The following STXBP6 variants were observed in gnomAD, a reference collection of about 807,000 sequenced individuals.
STXBP6 encodes syntaxin-binding protein 6.
STXBP6 carries 21 observed loss-of-function variants against 26.9 expected under a neutral mutation model. The ratio of observed to expected loss-of-function variants is 0.78; its 90% CI spans 0.55 to 1.12. The LOEUF is 1.12. Among genes scored for constraint, STXBP6 ranks in the 50% most tolerant of loss-of-function variants. STXBP6 has a pLI of 0.00. For missense variants in STXBP6, 232 were observed against 257.9 expected, an observed-to-expected ratio of 0.90 and a Z score of 0.69; for synonymous variants, 97 against 92.6, an observed-to-expected ratio of 1.05 and a Z score of -0.27.
At position 24,961,014 on chromosome 14, in the gene STXBP6, T is replaced by C. The variant is rs992687572; in HGVS notation, c.154+13651A>G. Among the ~76,000 whole-genome samples, 8 of 152,314 alleles carry C rather than the reference T, an allele frequency of 5.3e-5. No homozygotes were observed. The South Asian group carries it at 1.7e-3, about 32-fold the overall frequency. The stretch of plus-strand genomic sequence containing the variant: ...AGCATCCAATTTCTGCAGGCCCCAT[T>C]TTTTCGTGTAAACATTGGCATCAGC... On this transcript the variant is annotated intron_variant, in intron 2 of 5. Transcript: ENST00000323944.
intron 1 of STXBP6, among the ~76,000 whole-genome samples, chr14:25,039,156 A>G (rs1324315542): frequency 6.6e-6 from 1 of 152,246 alleles, no homozygotes; most frequent in Non-Finnish European, 1.5e-5. Flanking sequence ...TCAATTAAAA[A>G]TAAATACAAA....
chr14:24,980,020 A>G (rs8017228), intron 1 of STXBP6, among the ~76,000 whole-genome samples: 1 of 152,006 alleles, frequency 6.6e-6, no homozygotes, highest in Non-Finnish European at 1.5e-5. Context: ...AAGGAAAAAG[A>G]CAATTTTGTA....
chr14:24,817,875 G>A (rs2068025105), intron 5 of STXBP6: 1 of 358,392 alleles, frequency 2.8e-6, no homozygotes, highest in Non-Finnish European at 5.5e-6. Flanking sequence ...TGTCACGACA[G>A]AGAATGAATG....
chr14:24,934,599 G>A (rs982591452), intron 2 of STXBP6, among the ~76,000 whole-genome samples: 3 of 152,120 alleles, frequency 2.0e-5, no homozygotes, highest in Non-Finnish European at 2.9e-5. Context: ...GAGAGGCCAC[G>A]GTTAACGGAT....
intron 1 of STXBP6, among the ~76,000 whole-genome samples, chr14:25,011,610 C>T (rs961096372): frequency 6.6e-6 from 1 of 152,100 alleles, no homozygotes; most frequent in Non-Finnish European, 1.5e-5. Flanking sequence ...CCAGAGACTA[C>T]AAAATCCAGT....
At chr14:24,818,325 C>A (rs563600975) in intron 5 of STXBP6, among the ~76,000 whole-genome samples, 1 of 152,160 alleles carries the variant, frequency 6.6e-6, no homozygotes, top group African/African-American at 2.4e-5. Context: ...AGCTGGCTGC[C>A]AATAAAAACT....
chr14:24,879,574 A>C (rs1232798464), intron 2 of STXBP6, among the ~76,000 whole-genome samples: 2 of 152,030 alleles, frequency 1.3e-5, no homozygotes, highest in African/African-American at 4.8e-5. Context: ...AAGATAACTG[A>C]CTCTCAGGGT....
At chr14:24,973,461 C>G (rs887573949) in intron 2 of STXBP6, among the ~76,000 whole-genome samples, 2 of 143,612 alleles carry the variant, frequency 1.4e-5, no homozygotes, top group African/African-American at 2.6e-5. Flanking sequence ...TCTCGGCTCA[C>G]TGCAACCTCT....
In STXBP6 at chr14:24,990,315, A is replaced by G. The variant is rs544677280; in HGVS notation, c.-32-15465T>C. Among the ~76,000 whole-genome samples, 9 of 152,276 alleles carry G rather than the reference A, an allele frequency of 5.9e-5. No homozygotes were observed. The South Asian group carries it at 1.9e-3, about 32-fold the overall frequency. On this transcript the variant is annotated intron_variant, in intron 1 of 5. Transcript: ENST00000323944. ...CTGAGTAGGATGGGGAGAGTTGAGAAAGGCCCGACTTAGGAAGAATCAATC... is the reference window on the plus strand; with the variant it reads ...CTGAGTAGGATGGGGAGAGTTGAGAGAGGCCCGACTTAGGAAGAATCAATC...
Position 24,921,438 on chromosome 14 carries a change from A to G in STXBP6, c.154+53227T>C, listed in dbSNP as rs181835876. Reference sequence around the variant, plus strand: ...CTAAAACTTTCCAATATCTGCAAACACACATACCAAAAAGCACTGGCTTAA... The same window carrying G: ...CTAAAACTTTCCAATATCTGCAAACGCACATACCAAAAAGCACTGGCTTAA... On this transcript the variant is annotated intron_variant, in intron 2 of 5. Transcript: ENST00000323944. Among the ~76,000 whole-genome samples, 4 of 152,242 alleles carry G rather than the reference A, an allele frequency of 2.6e-5. No individual in the cohort carries two copies. In the East Asian group the frequency reaches 7.7e-4, roughly 29 times the overall value.
intron 1 of STXBP6, among the ~76,000 whole-genome samples, chr14:24,987,370 T>C (rs988442544): frequency 6.6e-6 from 1 of 152,216 alleles, no homozygotes; most frequent in Non-Finnish European, 1.5e-5. Context: ...GAGACCTGCA[T>C]CTTCACCTTT....
intron 1 of STXBP6, among the ~76,000 whole-genome samples, chr14:25,033,122 A>T (rs1286150003): frequency 1.3e-5 from 2 of 152,148 alleles, no homozygotes; most frequent in Admixed American, 6.5e-5. Flanking sequence ...AAAGATCTTG[A>T]CTATAGTCTA....
chr14:24,813,808 C>A (rs2067891594), intron 5 of STXBP6, among the ~76,000 whole-genome samples: 1 of 152,184 alleles, frequency 6.6e-6, no homozygotes, highest in African/African-American at 2.4e-5. Context: ...AAACCCAGGG[C>A]AACCTGAGTC....
chr14:24,907,686 A>C lies in STXBP6; in HGVS notation c.155-50529T>G, dbSNP rs145929421. ...AAGCATTTAAAAAAATCTTATAACAAGTAGTTACACTGAATTCTACTTGTA... is the reference window on the plus strand; with the variant it reads ...AAGCATTTAAAAAAATCTTATAACACGTAGTTACACTGAATTCTACTTGTA... On this transcript the variant is annotated intron_variant, in intron 2 of 5. Coordinates refer to ENST00000323944, the MANE Select transcript of STXBP6 (RefSeq NM_001394410.1). 9.1e-4 allele frequency among the ~76,000 whole-genome samples: 138 copies of C among 152,328 alleles called. 5 individuals are homozygous for C. The East Asian group carries it at 0.023, about 25-fold the overall frequency.
chr14:24,859,870 C>T (rs1841611), intron 2 of STXBP6, among the ~76,000 whole-genome samples: 97,588 of 151,550 alleles, frequency 0.64, 31,862 homozygotes, highest in Admixed American at 0.73. Flanking sequence ...CTGAAGCAGC[C>T]GATTCTCCGG....
chr14:24,969,720 G>A (rs1268544283), intron 2 of STXBP6, among the ~76,000 whole-genome samples: 1 of 152,174 alleles, frequency 6.6e-6, no homozygotes, highest in Non-Finnish European at 1.5e-5. Flanking sequence ...ACATGAGTGA[G>A]CAAGAATGAA....
chr14:24,854,737 G>A (rs1465674662), intron 4 of STXBP6, among the ~76,000 whole-genome samples: 1 of 152,016 alleles, frequency 6.6e-6, no homozygotes, highest in Non-Finnish European at 1.5e-5. Flanking sequence ...AGCACTGGTG[G>A]CGCAGACATG....
At chr14:24,879,260 T>C (rs774748571) in intron 2 of STXBP6, among the ~76,000 whole-genome samples, 27 of 152,198 alleles carry the variant, frequency 1.8e-4, no homozygotes, top group Non-Finnish European at 8.8e-5. Flanking sequence ...TTGTATCTCC[T>C]CTACAGCCCA....
chr14:24,847,722 GA>G (rs1379698462), intron 4 of STXBP6, among the ~76,000 whole-genome samples: 1 of 152,158 alleles, frequency 6.6e-6, no homozygotes, highest in African/African-American at 2.4e-5. Context: ...CATGTTGGTG[GA>G]AAAGGAATAT....
Sources: allele counts gnomAD v4.1 joint callset (sites outside exome capture counted in the v4.1 genomes callset), GRCh38; gene constraint gnomAD v4.1.1; transcripts MANE v1.5; gene names NCBI Gene and HGNC (gene_info 2026-07-23, HGNC 2026-07-21).